The following PCDH9 variants were observed in gnomAD, a reference collection of about 807,000 sequenced individuals.
PCDH9 encodes protocadherin 9, also known as protocadherin-9.
A neutral mutation model predicts 70.6 loss-of-function variants in PCDH9; 24 were observed. That is an observed-to-expected ratio of 0.34 (90% CI 0.25 to 0.48). The LOEUF is 0.48. Among genes scored for constraint, PCDH9 ranks in the 20% least tolerant of loss-of-function variants. The probability of loss-of-function intolerance (pLI) is 0.99; values close to 1 mark genes in which losing one functional copy is unlikely to be tolerated. For synonymous variants in PCDH9, 562 were observed against 558.5 expected, an observed-to-expected ratio of 1.01 and a Z score of -0.09; for missense variants, 1,281 against 1,503.6, an observed-to-expected ratio of 0.85 and a Z score of 2.45.
chr13:66,730,107 AT>A (rs1239384786), intron 3 of PCDH9, among the ~76,000 whole-genome samples: 18 of 152,118 alleles, frequency 1.2e-4, no homozygotes, highest in Non-Finnish European at 2.1e-4. Flanking sequence ...TAGAGACAGG[AT>A]TTTCTGTATA....
At chr13:67,016,983 T>A (rs1490242187) in intron 2 of PCDH9, among the ~76,000 whole-genome samples, 1 of 152,156 alleles carries the variant, frequency 6.6e-6, no homozygotes, top group African/African-American at 2.4e-5. Context: ...TGAGAGCATT[T>A]CTAGCACTCT....
intron 2 of PCDH9, among the ~76,000 whole-genome samples, chr13:67,129,776 G>A (rs1472478881): frequency 6.6e-6 from 1 of 151,884 alleles, no homozygotes; most frequent in African/African-American, 2.4e-5. Context: ...TACAAAATAA[G>A]TGAATAAGTA....
intron 4 of PCDH9, among the ~76,000 whole-genome samples, chr13:66,443,150 C>T (rs8001417): frequency 0.64 from 97,296 of 152,070 alleles, 31,579 homozygotes; most frequent in East Asian, 0.86. Flanking sequence ...TCAGGAAATA[C>T]TGACTTGATT....
intron 4 of PCDH9, among the ~76,000 whole-genome samples, chr13:66,485,719 T>C (rs1958926786): frequency 6.6e-6 from 1 of 152,020 alleles, no homozygotes; most frequent in South Asian, 2.1e-4. Context: ...TCATTTTATT[T>C]ATTCATTTAT....
intron 2 of PCDH9, among the ~76,000 whole-genome samples, chr13:67,084,765 G>A (rs544917047): frequency 6.6e-6 from 1 of 151,122 alleles, no homozygotes; most frequent in African/African-American, 2.4e-5. Context: ...TCAAGAGATC[G>A]AGACCATCCT....
intron 2 of PCDH9, among the ~76,000 whole-genome samples, chr13:66,969,491 G>A (rs998700185): frequency 3.4e-4 from 51 of 151,978 alleles, no homozygotes; most frequent in Non-Finnish European, 6.3e-4. Flanking sequence ...TCAGGTGAAA[G>A]AATGTTGTAC....
intron 3 of PCDH9, among the ~76,000 whole-genome samples, chr13:66,707,616 C>T (rs1313253755): frequency 6.6e-6 from 1 of 152,116 alleles, no homozygotes; most frequent in South Asian, 2.1e-4. Context: ...ATGGAAATAA[C>T]CCAGAGAGAT....
intron 4 of PCDH9, among the ~76,000 whole-genome samples, chr13:66,330,639 G>GA (rs35381404): frequency 0.16 from 23,841 of 147,240 alleles, 2,123 homozygotes; most frequent in South Asian, 0.21. Flanking sequence ...CAAACTTCCA[G>GA]AAAAAAAAAA....
intron 3 of PCDH9, among the ~76,000 whole-genome samples, chr13:66,675,868 T>C (rs2078235762): frequency 1.3e-5 from 2 of 152,156 alleles, no homozygotes; most frequent in South Asian, 2.1e-4. Context: ...CTGCCAGCTT[T>C]TTGTTCGCAG....
At chr13:67,163,429 T>G (rs988242425) in intron 2 of PCDH9, among the ~76,000 whole-genome samples, 8 of 152,252 alleles carry the variant, frequency 5.3e-5, no homozygotes, top group Non-Finnish European at 7.3e-5. Context: ...CAAAAATATA[T>G]GCTCTAACTT....
chr13:66,671,886 T>A (rs1444723663), intron 3 of PCDH9, among the ~76,000 whole-genome samples: 1 of 152,178 alleles, frequency 6.6e-6, no homozygotes, highest in African/African-American at 2.4e-5. Context: ...TAAAAAAACA[T>A]TTTCTGAGCA....
chr13:66,742,544 G>C (rs1461854409), intron 3 of PCDH9, among the ~76,000 whole-genome samples: 1 of 147,508 alleles, frequency 6.8e-6, no homozygotes, highest in African/African-American at 2.5e-5. Context: ...ACTACCATCA[G>C]AGTGAACAGG....
chr13:67,008,737 T>A lies in PCDH9; in HGVS notation c.3037-105132A>T, dbSNP rs865952847. Among the ~76,000 whole-genome samples the A allele has an allele frequency of 2.0e-5, 3 of 152,278 alleles. No individual in the cohort carries two copies. The South Asian group carries it at 6.2e-4, about 32-fold the overall frequency. ...ACATGTAGCAATTATATCTGGTCAA[T>A]TCCTTTTTACTTACATATTTTCTTA... is the stretch of plus-strand genomic sequence containing the variant. On this transcript the variant is annotated intron_variant, in intron 2 of 4. Coordinates refer to ENST00000377865, the MANE Select transcript of PCDH9 (RefSeq NM_203487.3).
intron 2 of PCDH9, among the ~76,000 whole-genome samples, chr13:66,931,177 A>G (rs2082801583): frequency 6.6e-6 from 1 of 152,174 alleles, no homozygotes; most frequent in Non-Finnish European, 1.5e-5. Flanking sequence ...TAAAATCTGC[A>G]TTATTTATGA....
intron 2 of PCDH9, among the ~76,000 whole-genome samples, chr13:67,032,257 C>A (rs1341133138): frequency 1.3e-5 from 2 of 152,176 alleles, no homozygotes; most frequent in Non-Finnish European, 2.9e-5. Context: ...CATCTTCCCA[C>A]CTCAACCTCG....
chr13:66,782,781 A>T (rs2080020724), intron 3 of PCDH9: 1 of 152,116 alleles, frequency 6.6e-6, no homozygotes, highest in Admixed American at 6.6e-5. Context: ...AGAATATCTC[A>T]AGTAAGGGAG....
At chr13:66,635,370 C>T (rs760124269) in intron 3 of PCDH9, among the ~76,000 whole-genome samples, 3 of 152,124 alleles carry the variant, frequency 2.0e-5, no homozygotes, top group Non-Finnish European at 4.4e-5. Context: ...GAAGTAACTA[C>T]TAAGGCTTCC....
intron 4 of PCDH9, among the ~76,000 whole-genome samples, chr13:66,627,463 A>G (rs2077513985): frequency 6.6e-6 from 1 of 152,222 alleles, no homozygotes; most frequent in African/African-American, 2.4e-5. Flanking sequence ...ATGAACATTC[A>G]GTCTGACTCT....
At chr13:66,912,320 C>T (rs1166576601) in intron 2 of PCDH9, among the ~76,000 whole-genome samples, 1 of 152,068 alleles carries the variant, frequency 6.6e-6, no homozygotes, top group Non-Finnish European at 1.5e-5. Context: ...CTAAGGAGTT[C>T]TGAAATACTG....
Sources: allele counts gnomAD v4.1 joint callset (sites outside exome capture counted in the v4.1 genomes callset), GRCh38; gene constraint gnomAD v4.1.1; transcripts MANE v1.5; gene names NCBI Gene and HGNC (gene_info 2026-07-23, HGNC 2026-07-21).